The following UBASH3A variants were observed in gnomAD, a reference collection of about 807,000 sequenced individuals.
UBASH3A encodes ubiquitin associated and SH3 domain containing A, also known as ubiquitin-associated and SH3 domain-containing protein A.
In UBASH3A, 63 loss-of-function variants were observed where a neutral mutation model predicts 73.5. The ratio of observed to expected loss-of-function variants is 0.86; its 90% CI spans 0.70 to 1.06. The LOEUF is 1.06. Ranked by LOEUF, UBASH3A falls within the 50% of genes least tolerant of loss-of-function variation. UBASH3A has a pLI of 0.00. For synonymous variants in UBASH3A, 363 were observed against 351.1 expected, an observed-to-expected ratio of 1.03 and a Z score of -0.38; for missense variants, 860 against 859.0, an observed-to-expected ratio of 1.00 and a Z score of -0.02.
intron 8 of UBASH3A, among the ~76,000 whole-genome samples, chr21:42,430,021 C>A (rs2146564277): frequency 6.6e-6 from 1 of 152,182 alleles, no homozygotes; most frequent in South Asian, 2.1e-4. Context: ...ATCGTCCGGG[C>A]CAGCGTGGAC....
chr21:42,421,828 A>G (rs2053343641), intron 7 of UBASH3A, among the ~76,000 whole-genome samples: 1 of 152,218 alleles, frequency 6.6e-6, no homozygotes, highest in East Asian at 1.9e-4. Context: ...ATGATTGCAT[A>G]TTGGTCATTT....
chr21:42,447,371 C>G lies in UBASH3A; in HGVS notation c.*177C>G, dbSNP rs112455840. 1.5e-6 allele frequency: 1 copy of G among 664,696 alleles called. No individual in the cohort carries two copies. Among genetic ancestry groups the G allele is most frequent in the African/African-American group, 1.8e-5 (1 of 54,340 alleles). The allele number at this position is 664,696 out of a possible 1,614,324, so 41.2% of individuals were successfully genotyped here. A position where few individuals can be genotyped will look rare whatever the true frequency, so the allele number is the denominator to read the frequency against. ...CTCCGGCTTTCGCCTTTGTAACTCC[C>G]ATCTGTGGACCCATCGTCCACCAGC... On this transcript the variant is annotated 3_prime_UTR_variant, in exon 15 of 15. Transcript: ENST00000319294.
intron 2 of UBASH3A, among the ~76,000 whole-genome samples, chr21:42,407,150 G>T (rs2052993895): frequency 6.6e-6 from 1 of 152,130 alleles, no homozygotes. Flanking sequence ...CTCTGGGGAT[G>T]GAGAGGAGGG....
At chr21:42,446,181 A>G (rs2053840987) in intron 14 of UBASH3A, among the ~76,000 whole-genome samples, 1 of 152,252 alleles carries the variant, frequency 6.6e-6, no homozygotes, top group Admixed American at 6.5e-5. Context: ...CATAGATGCC[A>G]ATCTTGAACT....
chr21:42,436,389 C>T (rs1295999913), intron 10 of UBASH3A, among the ~76,000 whole-genome samples: 1 of 152,188 alleles, frequency 6.6e-6, no homozygotes, highest in Non-Finnish European at 1.5e-5. Flanking sequence ...TCCCAGGACA[C>T]TGAGTCGGGA....
chr21:42,433,357 T>TG (rs1012005243), intron 9 of UBASH3A, among the ~76,000 whole-genome samples: 1 of 152,180 alleles, frequency 6.6e-6, no homozygotes, highest in African/African-American at 2.4e-5. Flanking sequence ...AAGGGAGATT[T>TG]GGGGGGCTCT....
intron 3 of UBASH3A, among the ~76,000 whole-genome samples, chr21:42,411,574 C>G (rs1281095633): frequency 6.6e-6 from 1 of 152,124 alleles, no homozygotes; most frequent in East Asian, 1.9e-4. Flanking sequence ...CACACACAGA[C>G]ACACACACAT....
At position 42,434,892 on chromosome 21, in the gene UBASH3A, T is replaced by A; in HGVS notation, c.1331T>A (p.Ile444Asn). The A allele has an allele frequency of 1.2e-6, 2 of 1,614,224 alleles. No individual in the cohort carries two copies. The highest frequency in any genetic ancestry group is 1.7e-6 in the Non-Finnish European group (2 of 1,180,030). ...PCSLPRRSRG[I>N]KDFENDPPLS... is the part of the protein sequence containing the mutation. ...AGTCTGCCAAGACGGAGTCGTGGGA[T>A]CAAAGACTTTGAAAACGATCCCCCA... Residue 444 changes from isoleucine to asparagine, a missense_variant, in exon 10 of 15, where the codon ATC becomes AAC. Physicochemically the swap from Ile to Asn is moderately radical, Grantham distance 149. Coordinates refer to ENST00000319294, the MANE Select transcript of UBASH3A (RefSeq NM_018961.4).
At chr21:42,437,761 G>T (rs1005907288) in intron 11 of UBASH3A, among the ~76,000 whole-genome samples, 181 bp downstream of exon 11, 2 of 152,334 alleles carry the variant, frequency 1.3e-5, no homozygotes, top group Non-Finnish European at 2.9e-5. Flanking sequence ...GTCCGTGAGC[G>T]TGTCTGGAAT....
In UBASH3A at chr21:42,404,015, C is replaced by A. The variant is rs771691537; in HGVS notation, c.70C>A (p.Leu24Ile). 2.0e-6 allele frequency: 3 copies of A among 1,526,822 alleles called. No individual in the cohort carries two copies. In the East Asian group the frequency reaches 7.7e-5, roughly 39 times the overall value. The allele number at this position is 1,526,822 out of a possible 1,614,324, so 94.6% of individuals were successfully genotyped here. ...NKLKSRSSPS[L>I]LEPLLAMGFP... ...GCTCAAGAGCCGCAGCAGCCCCTCG[C>A]TCCTGGAGCCCCTCCTGGCCATGGG... Residue 24 changes from leucine to isoleucine, a missense_variant, in exon 1 of 15, where the codon CTC (leucine) becomes ATC (isoleucine). Physicochemically the swap from Leu to Ile is conservative, Grantham distance 5. Transcript: ENST00000319294.
At chr21:42,439,984 C>A (rs1057211820) in intron 11 of UBASH3A, among the ~76,000 whole-genome samples, 18 of 136,774 alleles carry the variant, frequency 1.3e-4, no homozygotes, top group African/African-American at 3.8e-4. Context: ...CACACCACAC[C>A]CCACACACAC....
chr21:42,415,396 C>T (rs1314212465), intron 5 of UBASH3A, among the ~76,000 whole-genome samples: 5 of 152,038 alleles, frequency 3.3e-5, no homozygotes, highest in Non-Finnish European at 7.3e-5. Flanking sequence ...AGCCTCAGTG[C>T]CCCAGCTTTC....
At chr21:42,437,138 T>G (rs537010044) in intron 10 of UBASH3A, among the ~76,000 whole-genome samples, 12 of 152,386 alleles carry the variant, frequency 7.9e-5, no homozygotes, top group Non-Finnish European at 1.6e-4. Context: ...CCTCCATCTT[T>G]GCAGCCAGCA....
chr21:42,425,881 T>A (rs545160662), intron 7 of UBASH3A, among the ~76,000 whole-genome samples: 24 of 152,146 alleles, frequency 1.6e-4, no homozygotes, highest in African/African-American at 5.5e-4. Flanking sequence ...AACAGTAAAC[T>A]GTGGTGGTGT....
At chr21:42,418,315 G>A (rs1179862506) in intron 6 of UBASH3A, 86 bp from the exon 7 acceptor site, 5 of 1,162,000 alleles carry the variant, frequency 4.3e-6, no homozygotes, top group African/African-American at 1.5e-5. Flanking sequence ...GAAAGCAGGA[G>A]GTGGCAGGTG....
At chr21:42,441,042 C>G (rs748374975) in intron 11 of UBASH3A, among the ~76,000 whole-genome samples, 12 of 152,120 alleles carry the variant, frequency 7.9e-5, no homozygotes, top group Non-Finnish European at 1.5e-4. Flanking sequence ...CTCTCAGTGA[C>G]CTTTAAGTGC....
At position 42,443,385 on chromosome 21, in the gene UBASH3A, A is replaced by G. The variant is rs762342004; in HGVS notation, c.1705A>G (p.Met569Val). 1.1e-5 allele frequency: 18 copies of G among 1,613,060 alleles called. No individual in the cohort carries two copies. The Admixed American group carries it at 2.7e-4, about 24-fold the overall frequency. Residue 569 changes from methionine to valine, a missense_variant, in exon 13 of 15, where the codon ATG (methionine) becomes GTG (valine). Coordinates refer to ENST00000319294, the MANE Select transcript of UBASH3A (RefSeq NM_018961.4). ...GTACATGGACAGGTGCACGGCGAGC[A>G]TGGTGCAAATCGTCAACACCTGTCC... is the stretch of plus-strand genomic sequence containing the variant. The part of the protein sequence containing the change: ...QEYMDRCTAS[M>V]VQIVNTCPQD...
chr21:42,440,636 C>T lies in UBASH3A; in HGVS notation c.1487-1816C>T, dbSNP rs200093723. On this transcript the variant is annotated intron_variant, in intron 11 of 14. Coordinates refer to ENST00000319294, the MANE Select transcript of UBASH3A (RefSeq NM_018961.4). The stretch of plus-strand genomic sequence containing the variant: ...ACTTTGGTTTCTGCCACTGGCTGGC[C>T]GCCCACTAGCAGGCCGTGCGAGAGT... 2.8e-3 allele frequency among the ~76,000 whole-genome samples: 432 copies of T among 152,290 alleles called. 1 individual carries two copies. The highest frequency in any genetic ancestry group is 5.1e-3 in the Non-Finnish European group (347 of 68,026).
Position 42,409,476 on chromosome 21 carries a change from T to C in UBASH3A, c.222T>C (p.Tyr74=), listed in dbSNP as rs1172908368. Reference sequence around the variant, plus strand: ...TAGACGACCCCATCCCCCAGGAGTATGCCCTTTTCCTCTGTCCAACGGGGC... The same window carrying C: ...TAGACGACCCCATCCCCCAGGAGTACGCCCTTTTCCTCTGTCCAACGGGGC... ...PSLDDPIPQE[Y]ALFLCPTGPL... The change falls in exon 3 of 15, where the codon TAT becomes TAC. Residue 74 remains tyrosine, a synonymous_variant. Coordinates refer to ENST00000319294, the MANE Select transcript of UBASH3A (RefSeq NM_018961.4). 2 of 1,614,070 alleles carry C rather than the reference T, an allele frequency of 1.2e-6. No homozygotes were observed. Among genetic ancestry groups the C allele is most frequent in the Admixed American group, 1.7e-5 (1 of 60,012 alleles).
Sources: gnomAD v4.1 joint callset for allele counts (sites outside exome capture counted in the v4.1 genomes callset) on GRCh38, gnomAD v4.1.1 for gene constraint, MANE v1.5 for transcripts, NCBI Gene and HGNC (gene_info 2026-07-23, HGNC 2026-07-21) for gene names.